The following PMP22 variants were observed in gnomAD, a reference collection of about 807,000 sequenced individuals.
PMP22 encodes Charcot-Marie-Tooth neuropathy 1A (greatly reduced nerve conduction velocity, hereditary motor sensory neuropathy Ia).
In PMP22, 2 loss-of-function variants were observed where a neutral mutation model predicts 18.9. The observed-to-expected ratio is 0.11, with a 90% CI of 0.04 to 0.33. The LOEUF (loss-of-function observed/expected upper bound fraction) is 0.33, where lower values mean the gene tolerates loss of function less well. Among genes scored for constraint, PMP22 ranks in the 10% least tolerant of loss-of-function variants. The probability of loss-of-function intolerance (pLI) is 1.00; values close to 1 mark genes in which losing one functional copy is unlikely to be tolerated. For missense variants in PMP22, 169 were observed against 202.2 expected, an observed-to-expected ratio of 0.84 and a Z score of 1.00; for synonymous variants, 95 against 89.2, an observed-to-expected ratio of 1.07 and a Z score of -0.37.
chr17:15,264,246 A>ATAGT (rs1909563270), intron 1 of PMP22, among the ~76,000 whole-genome samples: 1 of 95,052 alleles, frequency 1.1e-5, no homozygotes, highest in Admixed American at 1.0e-4. Flanking sequence ...AGATAGATAG[A>ATAGT]TAGATAGATA....
intron 3 of PMP22, among the ~76,000 whole-genome samples, chr17:15,250,898 C>T (rs1288111039): frequency 2.0e-5 from 3 of 152,214 alleles, no homozygotes; most frequent in African/African-American, 7.2e-5. Context: ...ACCACAAACT[C>T]CTCACTGGTC....
intron 3 of PMP22, among the ~76,000 whole-genome samples, chr17:15,240,011 CAT>C (rs750426469): frequency 2.0e-5 from 3 of 152,094 alleles, no homozygotes; most frequent in Non-Finnish European, 2.9e-5. Context: ...ATAAAAAACA[CAT>C]GTGAACATTC....
intron 3 of PMP22, among the ~76,000 whole-genome samples, chr17:15,244,181 T>C (rs1291765816): frequency 6.6e-6 from 1 of 152,078 alleles, no homozygotes; most frequent in East Asian, 1.9e-4. Flanking sequence ...CCAACCTCAC[T>C]AGCAACCAAG....
chr17:15,239,944 G>A (rs892565193), intron 3 of PMP22, among the ~76,000 whole-genome samples: 6 of 151,758 alleles, frequency 4.0e-5, no homozygotes, highest in Non-Finnish European at 7.4e-5. Context: ...AAATATGTAC[G>A]TGTTTCTATA....
At chr17:15,242,251 C>CAAAAAAAAAAAAA (rs59075019) in intron 3 of PMP22, among the ~76,000 whole-genome samples, 1 of 54,778 alleles carries the variant, frequency 1.8e-5, no homozygotes, top group Admixed American at 2.3e-4. Context: ...GACTCTGTCT[C>CAAAAAAAAAAAAA]AAAAAAAAAA....
intron 4 of PMP22, among the ~76,000 whole-genome samples, chr17:15,235,761 CTTTTTTT>C (rs1042103595): frequency 2.0e-5 from 3 of 150,376 alleles, no homozygotes; most frequent in African/African-American, 7.3e-5. Context: ...TTTCTTTTTT[CTTTTTTT>C]TTGAGACAGT....
intron 1 of PMP22, among the ~76,000 whole-genome samples, chr17:15,263,930 C>T (rs967799115): frequency 6.6e-6 from 1 of 152,162 alleles, no homozygotes; most frequent in African/African-American, 2.4e-5. Context: ...TCCAACAAAC[C>T]TAATCACCCT....
intron 3 of PMP22, among the ~76,000 whole-genome samples, chr17:15,244,950 A>G (rs956338587): frequency 2.0e-5 from 3 of 152,228 alleles, no homozygotes; most frequent in African/African-American, 7.2e-5. Context: ...GCAGCACTCT[A>G]TTGACTTACT....
At chr17:15,239,402 A>G (rs1907089350) in intron 4 of PMP22, 69 bp downstream of exon 4, 1 of 1,547,476 alleles carries the variant, frequency 6.5e-7, no homozygotes, top group African/African-American at 1.4e-5. Context: ...ACATCCTTCT[A>G]CTAAACTAAT....
Position 15,239,541 on chromosome 17 carries a change from G to T in PMP22, c.249C>A (p.Phe83Leu), listed in dbSNP as rs1429141312. ...IIFSILSLFLFFCQLFTLTKG... is the reference protein window; with the variant it reads ...IIFSILSLFLLFCQLFTLTKG... ...TGGTGAGGGTGAAGAGTTGGCAGAA[G>T]AACAGGAACAGAGACAGAATGCTGA... The change falls in exon 4 of 5, where the codon TTC becomes TTA. Residue 83 changes from phenylalanine to leucine, a missense_variant. Physicochemically the swap from Phe to Leu is conservative, Grantham distance 22. Transcript: ENST00000312280. The T allele has an allele frequency of 3.7e-6, 6 of 1,613,982 alleles. No individual in the cohort carries two copies. In the East Asian group the frequency reaches 1.3e-4, roughly 36 times the overall value.
intron 3 of PMP22, among the ~76,000 whole-genome samples, chr17:15,241,690 A>T (rs1249480400): frequency 6.6e-6 from 1 of 152,218 alleles, no homozygotes; most frequent in Non-Finnish European, 1.5e-5. Flanking sequence ...TTCTTGAAAC[A>T]TCTTTCAACA....
At chr17:15,233,313 A>C (rs1040776239) in intron 4 of PMP22, among the ~76,000 whole-genome samples, 12 of 152,236 alleles carry the variant, frequency 7.9e-5, no homozygotes, top group Non-Finnish European at 1.2e-4. Context: ...TAGGGGCCTG[A>C]GTCTGGGAGC....
At chr17:15,257,115 G>A (rs1328180679) in intron 3 of PMP22, among the ~76,000 whole-genome samples, 1 of 152,160 alleles carries the variant, frequency 6.6e-6, no homozygotes, top group East Asian at 1.9e-4. Flanking sequence ...CCACACTAAG[G>A]AGGCATTGTA....
At chr17:15,254,146 G>A (rs561513858) in intron 3 of PMP22, among the ~76,000 whole-genome samples, 1 of 152,316 alleles carries the variant, frequency 6.6e-6, no homozygotes, top group Non-Finnish European at 1.5e-5. Context: ...GGTAGATTCC[G>A]ATGGGCCTTG....
Position 15,262,454 on chromosome 17 carries a change from C to T in PMP22, c.-34-1693G>A, listed in dbSNP as rs138538875. 4.2e-3 allele frequency: 647 copies of T among 152,398 alleles called. 7 individuals are homozygous for T. Among genetic ancestry groups the T allele is most frequent in the African/African-American group, 0.014 (596 of 41,586 alleles). The allele number at this position is 152,398 out of a possible 1,614,324, so 9.4% of individuals were successfully genotyped here. ...AGCCCAAAGGAACAGCTGTCCCGAT[C>T]CTCAGGGTGGCCTCAAACACAAACT... On this transcript the variant is annotated intron_variant, in intron 1 of 4. Transcript: ENST00000312280.
chr17:15,244,309 C>T (rs1450862464), intron 3 of PMP22, among the ~76,000 whole-genome samples: 1 of 152,010 alleles, frequency 6.6e-6, no homozygotes, highest in Non-Finnish European at 1.5e-5. Context: ...CCTGCAGACA[C>T]CATTCACAGG....
chr17:15,239,386 G>A (rs1224738231), intron 4 of PMP22, 85 bp downstream of exon 4: 1 of 1,479,498 alleles, frequency 6.8e-7, no homozygotes, highest in East Asian at 2.3e-5. Flanking sequence ...CAGTCATTCT[G>A]AGGCCACATC....
At position 15,258,750 on chromosome 17, in the gene PMP22, A is replaced by G. The variant is rs909360206; in HGVS notation, c.178+344T>C. The stretch of plus-strand genomic sequence containing the variant: ...AAACCAAAGATACACGTTTGATCCA[A>G]TGTCCCAAGGGGGTCTGCCAAAGGC... On this transcript the variant is annotated intron_variant, in intron 3 of 4. Coordinates refer to ENST00000312280, the MANE Select transcript of PMP22 (RefSeq NM_000304.4). This position sits in a 1 kb window ranked among gnomAD's most constrained non-coding sequence, Gnocchi z 4.1. 16 of 366,506 alleles carry G rather than the reference A, an allele frequency of 4.4e-5. No individual in the cohort carries two copies. Among genetic ancestry groups the G allele is most frequent in the African/African-American group, 2.3e-4 (11 of 47,590 alleles). The allele number at this position is 366,506 out of a possible 1,614,324, so 22.7% of individuals were successfully genotyped here.
intron 3 of PMP22, among the ~76,000 whole-genome samples, chr17:15,253,155 C>T (rs557923437): frequency 1.4e-4 from 22 of 152,274 alleles, no homozygotes; most frequent in Admixed American, 1.3e-3. Context: ...TCACCAGAGC[C>T]TTCCAGATTG....
Sources: allele counts gnomAD v4.1 joint callset (sites outside exome capture counted in the v4.1 genomes callset), GRCh38; gene constraint gnomAD v4.1.1; non-coding constraint Gnocchi (gnomAD v3.1); transcripts MANE v1.5; gene names NCBI Gene and HGNC (gene_info 2026-07-23, HGNC 2026-07-21).